The following PARD3 variants were observed in gnomAD, a reference collection of about 807,000 sequenced individuals.
PARD3 encodes partitioning defective 3 homolog.
Under a neutral mutation model 155.4 loss-of-function variants are expected in PARD3, and 75 were observed. That is an observed-to-expected ratio of 0.48 (90% CI 0.40 to 0.58). The LOEUF (loss-of-function observed/expected upper bound fraction) is 0.58. Among genes scored for constraint, PARD3 ranks in the 20% least tolerant of loss-of-function variants. PARD3 has a pLI of 0.00. For synonymous variants in PARD3, 576 were observed against 610.5 expected (o/e 0.94, Z 0.83); for missense variants, 1,642 against 1,721.7 (o/e 0.95, Z 0.82).
chr10:34,336,742 T>C (rs571877282), intron 17 of PARD3, among the ~76,000 whole-genome samples: 3 of 152,260 alleles, frequency 2.0e-5, no homozygotes, highest in African/African-American at 7.2e-5. Flanking sequence ...ATACTTTCTA[T>C]AATAAATACT....
chr10:34,617,024 G>T (rs1354026314), intron 2 of PARD3, among the ~76,000 whole-genome samples: 3 of 151,862 alleles, frequency 2.0e-5, no homozygotes, highest in African/African-American at 7.3e-5. Context: ...AGGAGGCCAA[G>T]GCGGGGATCT....
chr10:34,184,214 G>A (rs1398884741), intron 22 of PARD3, among the ~76,000 whole-genome samples: 1 of 152,146 alleles, frequency 6.6e-6, no homozygotes. Flanking sequence ...ATGAAGAGGC[G>A]AACAACAGGA....
rs117404090 is a variant in PARD3 at position 34,788,976 on chromosome 10, T to C, written c.120+25900A>G. ...GCCTTGAAATGTTCATAATTTCCTA[T>C]CCAATAATTATACTTCAGAAAACTT... is the stretch of plus-strand genomic sequence containing the variant. On this transcript the variant is annotated intron_variant, in intron 1 of 24. Transcript: ENST00000374788. Among the ~76,000 whole-genome samples the C allele has an allele frequency of 8.7e-3, 1,332 of 152,324 alleles. 11 individuals are homozygous for C. The highest frequency in any genetic ancestry group is 0.015 in the Non-Finnish European group (996 of 68,030).
intron 15 of PARD3, chr10:34,346,214 CT>C (rs1837407324): frequency 8.7e-7 from 1 of 1,148,782 alleles, no homozygotes; most frequent in South Asian, 1.9e-5. Context: ...CCGAAGAGGA[CT>C]AATGAAGCTG....
At position 34,381,912 on chromosome 10, in the gene PARD3, CAAAAAAAAAA is replaced by C. The variant is rs202053812; in HGVS notation, c.1399+618_1399+627del. Among the ~76,000 whole-genome samples the C allele has an allele frequency of 6.7e-4, 48 of 71,880 alleles. 1 individual carries two copies. The South Asian group carries it at 9.9e-3, about 15-fold the overall frequency. 47.2% of individuals were successfully genotyped at this position (71,880 alleles called of 152,430 possible). On this transcript the variant is annotated intron_variant, in intron 9 of 24. Transcript: ENST00000374788. The stretch of plus-strand genomic sequence containing the variant: ...TGGGCAACAAAGAAAGGCCCTGTCT[CAAAAAAAAAA>C]AAAAAAAAAAAAAAAAAAAGAAAGA...
intron 14 of PARD3, among the ~76,000 whole-genome samples, chr10:34,354,238 C>T (rs1323231818): frequency 6.6e-6 from 1 of 151,656 alleles, no homozygotes; most frequent in Non-Finnish European, 1.5e-5. Context: ...ATTAGCTGGG[C>T]GTGGTGGTGG....
At chr10:34,259,948 T>G (rs2133797281) in intron 22 of PARD3, among the ~76,000 whole-genome samples, 1 of 152,248 alleles carries the variant, frequency 6.6e-6, no homozygotes, top group African/African-American at 2.4e-5. Context: ...GACTCAATGA[T>G]CCTCCTGCCT....
chr10:34,684,822 CACACACACAT>C lies in PARD3; in HGVS notation c.222+11486_222+11495del, dbSNP rs1418198141. On this transcript the variant is annotated intron_variant, in intron 2 of 24. Transcript: ENST00000374788. ...ACACACACACACACACACACACACACACACACACATATATACACACACACATATATATACA... is the reference window on the plus strand; with the variant it reads ...ACACACACACACACACACACACACACATATACACACACACATATATATACA... 3.7e-3 allele frequency among the ~76,000 whole-genome samples: 404 copies of C among 109,800 alleles called. 5 individuals are homozygous for C. Among genetic ancestry groups the C allele is most frequent in the African/African-American group, 9.3e-3 (223 of 23,880 alleles). The allele number at this position is 109,800 out of a possible 152,430, so 72.0% of individuals were successfully genotyped here.
chr10:34,252,261 TC>T, intron 22 of PARD3, among the ~76,000 whole-genome samples: 1 of 152,170 alleles, frequency 6.6e-6, no homozygotes, highest in Non-Finnish European at 1.5e-5. Context: ...GCAGCTGAGG[TC>T]CCTACAGGTG....
chr10:34,813,770 G>A (rs1292454117), intron 1 of PARD3, among the ~76,000 whole-genome samples: 1 of 152,174 alleles, frequency 6.6e-6, no homozygotes, highest in East Asian at 1.9e-4. Context: ...GTCATTTGCA[G>A]CCCCCAAGCC....
intron 1 of PARD3, among the ~76,000 whole-genome samples, chr10:34,804,871 TTTAATA>T (rs1305579637): frequency 6.6e-5 from 10 of 152,218 alleles, no homozygotes; most frequent in African/African-American, 2.4e-4. Context: ...TCTTTGTGTT[TTTAATA>T]TTAATACACA....
rs79191719 is a variant in PARD3 at position 34,199,369 on chromosome 10, T to C, written c.3420-67786A>G. On this transcript the variant is annotated intron_variant, in intron 22 of 24. Transcript: ENST00000374788. ...AACAGGCAAATGGACCCAGTTTGGT[T>C]CGGTGACAGGGCTTAGCCTGGAGAA... is the stretch of plus-strand genomic sequence containing the variant. 7.6e-3 allele frequency among the ~76,000 whole-genome samples: 1,157 copies of C among 152,272 alleles called. 27 individuals carry two copies. The highest frequency in any genetic ancestry group is 0.027 in the African/African-American group (1,115 of 41,544).
chr10:34,631,318 C>T (rs891486785), intron 2 of PARD3, among the ~76,000 whole-genome samples: 5 of 152,036 alleles, frequency 3.3e-5, no homozygotes, highest in Admixed American at 6.6e-5. Flanking sequence ...AGGTCCGTGA[C>T]GTCAAGGCAA....
At chr10:34,598,553 G>T (rs1372069414) in intron 2 of PARD3, among the ~76,000 whole-genome samples, 2 of 152,122 alleles carry the variant, frequency 1.3e-5, no homozygotes, top group Non-Finnish European at 2.9e-5. Flanking sequence ...TTAAATCGAG[G>T]GAAGAGTGAA....
intron 2 of PARD3, among the ~76,000 whole-genome samples, chr10:34,633,823 C>A (rs2490808): frequency 0.073 from 11,097 of 152,262 alleles, 426 homozygotes; most frequent in Middle Eastern, 0.099. Flanking sequence ...TTTTTCTCCA[C>A]ATCCTCACAA....
intron 1 of PARD3, among the ~76,000 whole-genome samples, chr10:34,768,467 G>C (rs1838413993): frequency 6.7e-6 from 1 of 149,002 alleles, no homozygotes; most frequent in African/African-American, 2.6e-5. Flanking sequence ...TAAAAGATAA[G>C]AGACAAATGG....
chr10:34,308,628 C>T (rs570072165), intron 20 of PARD3, among the ~76,000 whole-genome samples: 1 of 152,064 alleles, frequency 6.6e-6, no homozygotes, highest in African/African-American at 2.4e-5. Context: ...GAGTTGGGAG[C>T]GTGTGAAGTT....
At position 34,224,260 on chromosome 10, in the gene PARD3, G is replaced by A. The variant is rs183409659; in HGVS notation, c.3419+45397C>T. Among the ~76,000 whole-genome samples the A allele has an allele frequency of 7.2e-5, 11 of 152,334 alleles. No homozygotes were observed. In the East Asian group the frequency reaches 1.5e-3, roughly 21 times the overall value. On this transcript the variant is annotated intron_variant, in intron 22 of 24. Transcript: ENST00000374788. ...ACATTGCTCAATGAATCCTGCTTAA[G>A]TTGACAATATGGAAAGATAACTTCT...
Position 34,317,193 on chromosome 10 carries a change from T to A in PARD3, c.2979A>T (p.Gly993=). 6.2e-7 allele frequency: 1 copy of A among 1,613,234 alleles called. No homozygotes were observed. The highest frequency in any genetic ancestry group is 8.5e-7 in the Non-Finnish European group (1 of 1,179,674). Residue 993 remains glycine (G), a synonymous_variant, in exon 20 of 25, where the codon GGA becomes GGT. Transcript: ENST00000374788. ...DKTDRKKDKT[G]KEKKKDRDKE... ...TATCTCTATCTTTCTTCTTTTCTTTTCCAGTTTTATCCTTTTTTCTATCAG... is the reference window on the plus strand; with the variant it reads ...TATCTCTATCTTTCTTCTTTTCTTTACCAGTTTTATCCTTTTTTCTATCAG...
Sources: gnomAD v4.1 joint callset for allele counts (sites outside exome capture counted in the v4.1 genomes callset) on GRCh38, gnomAD v4.1.1 for gene constraint, MANE v1.5 for transcripts, NCBI Gene and HGNC (gene_info 2026-07-23, HGNC 2026-07-21) for gene names.